The following GPHN variants were observed in gnomAD, a reference collection of about 807,000 sequenced individuals.
GPHN encodes the protein gephyrin.
A neutral mutation model predicts 95.5 loss-of-function variants in GPHN; 17 were observed. That is an observed-to-expected ratio of 0.18 (90% CI 0.12 to 0.27). GPHN has a LOEUF of 0.27. GPHN is among the 10% of genes least tolerant of loss of function. The probability of loss-of-function intolerance (pLI) is 1.00; values close to 1 mark genes in which losing one functional copy is unlikely to be tolerated. For missense variants in GPHN, 660 were observed against 978.1 expected (o/e 0.67, Z 4.34); for synonymous variants, 320 against 322.5 (o/e 0.99, Z 0.08).
At chr14:67,614,498 C>G in the GPHN span, among the ~76,000 whole-genome samples, 1 of 152,040 alleles carries the variant, frequency 6.6e-6, no homozygotes, top group Non-Finnish European at 1.5e-5. Flanking sequence ...GGTATGGTGG[C>G]TCATGCCTGT....
the GPHN span, among the ~76,000 whole-genome samples, chr14:67,487,623 A>G: frequency 6.6e-6 from 1 of 152,252 alleles, no homozygotes; most frequent in African/African-American, 2.4e-5. Flanking sequence ...CCACTCGTGC[A>G]GAAAAACAAA....
the GPHN span, chr14:67,690,608 G>A: frequency 3.4e-6 from 2 of 591,410 alleles, no homozygotes; most frequent in South Asian, 4.0e-5. Context: ...AAAGACATGA[G>A]GCATCCTTAT....
intron 11 of GPHN, among the ~76,000 whole-genome samples, chr14:67,062,833 T>C (rs922705009): frequency 5.9e-5 from 9 of 152,196 alleles, no homozygotes; most frequent in African/African-American, 2.2e-4. Flanking sequence ...CTTTGTCAGA[T>C]GGGCAGATTG....
intron 3 of GPHN, among the ~76,000 whole-genome samples, chr14:66,785,859 A>C (rs1454781827): frequency 6.6e-6 from 1 of 152,060 alleles, no homozygotes; most frequent in Non-Finnish European, 1.5e-5. Flanking sequence ...ACAAACGAAA[A>C]ATGAAAATAT....
chr14:67,201,178 T>C, the GPHN span, among the ~76,000 whole-genome samples: 1 of 152,102 alleles, frequency 6.6e-6, no homozygotes, highest in Non-Finnish European at 1.5e-5. Context: ...CCTGTATTCC[T>C]AGCTACTCGG....
At chr14:67,702,571 T>C in the GPHN span, among the ~76,000 whole-genome samples, 1 of 152,230 alleles carries the variant, frequency 6.6e-6, no homozygotes. Context: ...AATATGTATG[T>C]TGACAATTTT....
intron 1 of GPHN, among the ~76,000 whole-genome samples, chr14:66,541,185 C>A (rs1308684693): frequency 6.6e-6 from 1 of 152,082 alleles, no homozygotes; most frequent in East Asian, 1.9e-4. Flanking sequence ...TGGCTTCAAG[C>A]GATCCACCCA....
intron 1 of GPHN, among the ~76,000 whole-genome samples, chr14:66,543,507 G>T (rs1032541087): frequency 1.3e-5 from 2 of 151,988 alleles, no homozygotes; most frequent in African/African-American, 4.8e-5. Flanking sequence ...TTATGTACCT[G>T]TTTAAGAAAC....
chr14:66,615,701 G>A (rs1269748646), intron 1 of GPHN, among the ~76,000 whole-genome samples: 2 of 151,932 alleles, frequency 1.3e-5, no homozygotes, highest in Non-Finnish European at 2.9e-5. Flanking sequence ...CTTTTGCTGT[G>A]CAGAAGCTCT....
chr14:67,426,622 C>T, the GPHN span, among the ~76,000 whole-genome samples: 1 of 152,182 alleles, frequency 6.6e-6, no homozygotes, highest in Non-Finnish European at 1.5e-5. Context: ...GTTGCCCAGG[C>T]TGGAGTGTAA....
intron 18 of GPHN, among the ~76,000 whole-genome samples, chr14:67,145,187 G>C (rs1167127859): frequency 6.6e-6 from 1 of 152,172 alleles, no homozygotes; most frequent in Non-Finnish European, 1.5e-5. Context: ...CAGGGTTTGT[G>C]TCTTGTTATA....
the GPHN span, chr14:67,294,427 A>G: frequency 6.6e-6 from 1 of 152,066 alleles, no homozygotes; most frequent in African/African-American, 2.4e-5. Context: ...GCAATCACCA[A>G]TCCAACTCCC....
chr14:67,118,225 G>A (rs777994291), intron 16 of GPHN, among the ~76,000 whole-genome samples: 2 of 152,146 alleles, frequency 1.3e-5, no homozygotes, highest in Non-Finnish European at 2.9e-5. Context: ...CTAAAGTGAT[G>A]GCTGAGAAGT....
intron 11 of GPHN, among the ~76,000 whole-genome samples, chr14:67,064,380 T>G (rs2075957146): frequency 6.6e-6 from 1 of 152,206 alleles, no homozygotes; most frequent in Non-Finnish European, 1.5e-5. Context: ...TCAGGGATAT[T>G]GGTCTAAAAT....
At chr14:66,763,243 T>A (rs911977076) in intron 2 of GPHN, among the ~76,000 whole-genome samples, 9 of 150,744 alleles carry the variant, frequency 6.0e-5, no homozygotes, top group African/African-American at 2.2e-4. Flanking sequence ...TTTCTTTTTT[T>A]ATTATTATTA....
the GPHN span, among the ~76,000 whole-genome samples, chr14:67,370,780 C>T: frequency 6.6e-6 from 1 of 152,164 alleles, no homozygotes; most frequent in East Asian, 1.9e-4. Flanking sequence ...AATTCCAGCA[C>T]TTTGGGAGGT....
Position 67,164,658 on chromosome 14 carries a change from A to T in GPHN, c.1911-504A>T, listed in dbSNP as rs559257534. ...AGGCGCACACCACCATGCCTGGCAA[A>T]TTTTTGTATTTTTAGTAGAGACAGG... On this transcript the variant is annotated intron_variant, in intron 19 of 22. Coordinates refer to ENST00000478722, the MANE Select transcript of GPHN (RefSeq NM_020806.5). Among the ~76,000 whole-genome samples, 7 of 151,554 alleles carry T rather than the reference A, an allele frequency of 4.6e-5. No homozygotes were observed. In the South Asian group the frequency reaches 1.5e-3, roughly 32 times the overall value.
chr14:66,581,698 A>C (rs2061179133), intron 1 of GPHN, among the ~76,000 whole-genome samples: 1 of 151,966 alleles, frequency 6.6e-6, no homozygotes, highest in Admixed American at 6.6e-5. Context: ...ACAGGATAGA[A>C]GTAGATAATC....
chr14:67,448,749 A>G, the GPHN span, among the ~76,000 whole-genome samples: 1 of 152,198 alleles, frequency 6.6e-6, no homozygotes, highest in Non-Finnish European at 1.5e-5. Context: ...TGGAATCCTG[A>G]GTCAGGATTC....
Sources: allele counts gnomAD v4.1 joint callset (sites outside exome capture counted in the v4.1 genomes callset), GRCh38; gene constraint gnomAD v4.1.1; transcripts MANE v1.5; gene names NCBI Gene and HGNC (gene_info 2026-07-23, HGNC 2026-07-21).